Variants in BCL3 observed in about 807,000 individuals in gnomAD.
The protein encoded by BCL3 is BCL3 transcription coactivator, also known as B-cell lymphoma 3 protein.
In BCL3, 15 loss-of-function variants were observed where a neutral mutation model predicts 35.7. The ratio of observed to expected loss-of-function variants is 0.42; its 90% CI spans 0.28 to 0.65. The LOEUF (loss-of-function observed/expected upper bound fraction) is 0.65, where lower values mean the gene tolerates loss of function less well. Ranked by LOEUF, BCL3 falls within the 30% of genes least tolerant of loss-of-function variation. The pLI is 0.22. For missense variants in BCL3, 565 were observed against 641.7 expected (o/e 0.88, Z 1.29); for synonymous variants, 311 against 284.3 (o/e 1.09, Z -0.95).
chr19:44,753,171 G>A (rs1316389609), intron 2 of BCL3, among the ~76,000 whole-genome samples: 1 of 152,204 alleles, frequency 6.6e-6, no homozygotes, highest in Non-Finnish European at 1.5e-5. Context: ...GGTGGTTGCA[G>A]GCCATCTCCA....
In BCL3 at chr19:44,749,406, G is replaced by A. The variant is rs1004569765; in HGVS notation, c.256+360G>A. Among the ~76,000 whole-genome samples, 17 of 152,096 alleles carry A rather than the reference G, an allele frequency of 1.1e-4. 1 individual carries two copies. Among genetic ancestry groups the A allele is most frequent in the Admixed American group, 9.2e-4 (14 of 15,270 alleles). ...CAAGCTCTTAAGCCAGATGTGTAGC[G>A]TTATGAGGAAGCTGAGCTGGGCTGG... On this transcript the variant is annotated intron_variant, in intron 1 of 8. Coordinates refer to ENST00000164227, the MANE Select transcript of BCL3 (RefSeq NM_005178.5).
intron 1 of BCL3, among the ~76,000 whole-genome samples, chr19:44,749,873 T>C (rs964352950): frequency 3.9e-5 from 6 of 152,086 alleles, no homozygotes; most frequent in Non-Finnish European, 8.8e-5. Flanking sequence ...ACAGAAAGCC[T>C]CAAGGCCTCA....
At chr19:44,752,374 A>AT (rs953659837) in intron 2 of BCL3, among the ~76,000 whole-genome samples, 79 of 145,354 alleles carry the variant, frequency 5.4e-4, no homozygotes, top group South Asian at 8.8e-4. Flanking sequence ...TAATTTTTGT[A>AT]TTTTTTTTTT....
chr19:44,748,213 C>A, upstream of BCL3: 1 of 556,472 alleles, frequency 1.8e-6, no homozygotes, highest in Non-Finnish European at 2.9e-6. Flanking sequence ...AACTGAGAGG[C>A]AGAGAGATGG....
chr19:44,757,875 G>C lies in BCL3; in HGVS notation c.891+152G>C, dbSNP rs76414002. The C allele has an allele frequency of 3.2e-3, 2,480 of 772,630 alleles. 29 individuals carry two copies. The highest frequency in any genetic ancestry group is 0.026 in the African/African-American group (1,469 of 57,136). The allele number at this position is 772,630 out of a possible 1,614,324, so 47.9% of individuals were successfully genotyped here. A position where few individuals can be genotyped will look rare whatever the true frequency, so the allele number is the denominator to read the frequency against. On this transcript the variant is annotated intron_variant, in intron 6 of 8. Transcript: ENST00000164227. This position sits in a 1 kb window ranked among gnomAD's most constrained non-coding sequence, Gnocchi z 8.4. The stretch of plus-strand genomic sequence containing the variant: ...TGATCCTTTAAGGCCTAGTTTTCTC[G>C]ACCCTCGGGCTCCACGCCCCTGGCT...
rs1157936169 is a variant in BCL3 at position 44,757,461 on chromosome 19, G to A, written c.813+46G>A. 1.3e-6 allele frequency: 2 copies of A among 1,535,724 alleles called. No homozygotes were observed. Among genetic ancestry groups the A allele is most frequent in the South Asian group, 1.2e-5 (1 of 83,970 alleles). On this transcript the variant is annotated intron_variant, in intron 5 of 8. Coordinates refer to ENST00000164227, the MANE Select transcript of BCL3 (RefSeq NM_005178.5). This position sits in a 1 kb window ranked among gnomAD's most constrained non-coding sequence, Gnocchi z 8.4. Reference sequence around the variant, plus strand: ...GGGAGGGAGCGGGGCCTTAGCAGGGGCGGGGTCTTGGCGGGGGCGGGGCCA... The same window carrying A: ...GGGAGGGAGCGGGGCCTTAGCAGGGACGGGGTCTTGGCGGGGGCGGGGCCA...
In BCL3 at chr19:44,758,372, TGCCACAAC is replaced by T; in HGVS notation, c.1020_1027del (p.Cys340Ter). 6.5e-7 allele frequency: 1 copy of T among 1,550,316 alleles called. No individual in the cohort carries two copies. The highest frequency in any genetic ancestry group is 8.7e-7 in the Non-Finnish European group (1 of 1,150,534). On this transcript the variant is annotated frameshift_variant, in exon 7 of 9. Coordinates refer to ENST00000164227, the MANE Select transcript of BCL3 (RefSeq NM_005178.5). LOFTEE classifies it high-confidence loss of function. ...CGGCGCTGACAGCAGCCTCAAGAAC[TGCCACAAC>T]GACACGCCGCTCATGGTGGCGCGCA...
chr19:44,756,888 C>A, intron 3 of BCL3, 129 bp from the exon 4 acceptor site: 2 of 878,274 alleles, frequency 2.3e-6, no homozygotes, highest in Non-Finnish European at 1.7e-6. Context: ...GAATCTGAGA[C>A]AGGAGGTGTC....
rs915086771 is a variant in BCL3 at position 44,759,901 on chromosome 19, G to A, written c.*286G>A. The A allele has an allele frequency of 2.7e-6, 1 of 374,214 alleles. No homozygotes were observed. Among genetic ancestry groups the A allele is most frequent in the Non-Finnish European group, 4.8e-6 (1 of 210,398 alleles). The allele number at this position is 374,214 out of a possible 1,614,324, so 23.2% of individuals were successfully genotyped here. Reference sequence around the variant, plus strand: ...TTCCATGTCCCCTCCCAGAGCTGGTGGACCCAGGGAACAGCCACTCCCCTC... The same window carrying A: ...TTCCATGTCCCCTCCCAGAGCTGGTAGACCCAGGGAACAGCCACTCCCCTC... On this transcript the variant is annotated 3_prime_UTR_variant, in exon 9 of 9. Coordinates refer to ENST00000164227, the MANE Select transcript of BCL3 (RefSeq NM_005178.5).
Position 44,759,481 on chromosome 19 carries a change from C to A in BCL3, c.1231C>A (p.Pro411Thr). The change falls in exon 9 of 9, where the codon CCC (proline) becomes ACC (threonine). Residue 411 changes from proline to threonine, a missense_variant. Pro to Thr is a conservative substitution (Grantham distance 38). This residue lies in a region of BCL3 where 151 missense variants were observed against 138.1 expected (regional missense o/e 1.09). Transcript: ENST00000164227. ...SSPSQSPPRD[P>T]PGFPMAPPNF... ...ACCCTCCCAGTCTCCCCCCAGGGAC[C>A]CCCCTGGATTCCCCATGGCTCCTCC... 3 of 1,611,384 alleles carry A rather than the reference C, an allele frequency of 1.9e-6. No individual in the cohort carries two copies. The highest frequency in any genetic ancestry group is 2.5e-6 in the Non-Finnish European group (3 of 1,178,290).
At chr19:44,756,985 G>A (rs531798695) in intron 3 of BCL3, 32 bp from the exon 4 acceptor site, 1 of 1,568,108 alleles carries the variant, frequency 6.4e-7, no homozygotes, top group Non-Finnish European at 8.7e-7. Context: ...AGCAGGGCTG[G>A]ACACAGGTCC....
rs1443965165 is a variant in BCL3, at chr19:44,759,871, T to A, written c.*256T>A. On this transcript the variant is annotated 3_prime_UTR_variant, in exon 9 of 9. Transcript: ENST00000164227. The stretch of plus-strand genomic sequence containing the variant: ...CCTGTCCGGAATGCCACCCACATCT[T>A]CCATTTCCATGTCCCCTCCCAGAGC... The A allele has an allele frequency of 1.5e-5, 6 of 408,650 alleles. No individual in the cohort carries two copies. The East Asian group carries it at 2.1e-4, about 14-fold the overall frequency. The allele number at this position is 408,650 out of a possible 1,614,324, so 25.3% of individuals were successfully genotyped here.
chr19:44,752,212 T>A (rs1200239725), intron 2 of BCL3, among the ~76,000 whole-genome samples: 1 of 151,536 alleles, frequency 6.6e-6, no homozygotes, highest in African/African-American at 2.4e-5. Context: ...TTCTTTTTTT[T>A]TTTTCTGAGA....
Position 44,751,316 on chromosome 19 carries a change from C to T in BCL3, c.346C>T (p.Pro116Ser). ...TACACCCCTATACCCCATGATGTGC[C>T]CCATGGAACACCCCCTTTCTGCTGA... ...LPTPLYPMMC[P>S]MEHPLSADIA... Residue 116 changes from proline to serine, a missense_variant, in exon 2 of 9, where the codon CCC becomes TCC. This residue lies in a region of BCL3 where 267 missense variants were observed against 281.5 expected (regional missense o/e 0.95). Coordinates refer to ENST00000164227, the MANE Select transcript of BCL3 (RefSeq NM_005178.5). 1 of 1,607,946 alleles carries T rather than the reference C, an allele frequency of 6.2e-7. No individual in the cohort carries two copies. Among genetic ancestry groups the T allele is most frequent in the Non-Finnish European group, 8.5e-7 (1 of 1,178,042 alleles).
chr19:44,758,275 C>T lies in BCL3; in HGVS notation c.921C>T (p.Tyr307=), dbSNP rs1359997203. 1 of 1,521,160 alleles carries T rather than the reference C, an allele frequency of 6.6e-7. No individual in the cohort carries two copies. The highest frequency in any genetic ancestry group is 2.1e-5 in the Admixed American group (1 of 47,402). 94.2% of individuals were successfully genotyped at this position (1,521,160 alleles called of 1,614,324 possible). Residue 307 remains tyrosine (Y), a synonymous_variant, in exon 7 of 9, where the codon TAC becomes TAT. Transcript: ENST00000164227. Reference sequence around the variant, plus strand: ...GCGCCAACGTGAACGCGCAAATGTACTCCGGCAGCTCCGCCCTGCACTCAG... The same window carrying T: ...GCGCCAACGTGAACGCGCAAATGTATTCCGGCAGCTCCGCCCTGCACTCAG... ...QHGANVNAQM[Y]SGSSALHSAS...
chr19:44,758,331 G>A lies in BCL3; in HGVS notation c.977G>A (p.Arg326His). The A allele has an allele frequency of 1.3e-6, 2 of 1,571,676 alleles. No individual in the cohort carries two copies. The highest frequency in any genetic ancestry group is 1.8e-5 in the Admixed American group (1 of 55,222). ...GGCCGCGGGCTCCTCCCGCTGGTGC[G>A]CACGCTGGTCCGCAGCGGCGCTGAC... The part of the protein sequence containing the change: ...ASGRGLLPLV[R>H]TLVRSGADSS... The change falls in exon 7 of 9, where the codon CGC (arginine) becomes CAC (histidine). Residue 326 changes from arginine (R) to histidine (H), a missense_variant. By Grantham distance (29) the Arg-to-His change is conservative. This residue lies in a region of BCL3 where 39 missense variants were observed against 88.1 expected (regional missense o/e 0.44). Transcript: ENST00000164227.
intron 2 of BCL3, 71 bp from the exon 3 acceptor site, chr19:44,756,161 T>C (rs2122298078): frequency 9.1e-7 from 1 of 1,102,394 alleles, no homozygotes; most frequent in Non-Finnish European, 1.2e-6. Context: ...GGAGTTAGCA[T>C]TGCCAACAGC....
chr19:44,747,899 A>C (rs2965169), upstream of BCL3: 469,377 of 1,137,970 alleles, frequency 0.41, 101,114 homozygotes, highest in African/African-American at 0.7. Flanking sequence ...GCCCCCAACG[A>C]GTGCAGAGAC....
At position 44,751,315 on chromosome 19, in the gene BCL3, C is replaced by T; in HGVS notation, c.345C>T (p.Cys115=). The T allele has an allele frequency of 6.2e-7, 1 of 1,607,726 alleles. No homozygotes were observed. The highest frequency in any genetic ancestry group is 1.1e-5 in the South Asian group (1 of 90,214). ...NLPTPLYPMM[C]PMEHPLSADI... is the part of the protein sequence containing the mutation. ...CTACACCCCTATACCCCATGATGTG[C>T]CCCATGGAACACCCCCTTTCTGCTG... The change falls in exon 2 of 9, where the codon TGC becomes TGT. Residue 115 remains cysteine, a synonymous_variant. Transcript: ENST00000164227.
Sources: allele counts gnomAD v4.1 joint callset (sites outside exome capture counted in the v4.1 genomes callset), GRCh38; gene constraint gnomAD v4.1.1; regional missense constraint gnomAD v4.1.1; non-coding constraint Gnocchi (gnomAD v3.1); transcripts MANE v1.5; gene names NCBI Gene and HGNC (gene_info 2026-07-23, HGNC 2026-07-21).